PDZRN3: variants seen among roughly 807,000 people sequenced by gnomAD.
PDZRN3 encodes the protein E3 ubiquitin-protein ligase PDZRN3.
Under a neutral mutation model 85.7 loss-of-function variants are expected in PDZRN3, and 38 were observed. The ratio of observed to expected loss-of-function variants is 0.44; its 90% CI spans 0.34 to 0.58. The LOEUF is 0.58. Among genes scored for constraint, PDZRN3 ranks in the 20% least tolerant of loss-of-function variants. PDZRN3 has a pLI of 0.01. For synonymous variants in PDZRN3, 759 were observed against 638.0 expected (o/e 1.19, Z -2.86); for missense variants, 1,629 against 1,506.4 (o/e 1.08, Z -1.35).
intron 5 of PDZRN3, 41 bp downstream of exon 5, chr3:73,400,881 T>A: frequency 7.2e-7 from 1 of 1,380,484 alleles, no homozygotes; most frequent in South Asian, 1.2e-5. Context: ...TCTGTGTTCT[T>A]AATAATGACT....
intron 3 of PDZRN3, among the ~76,000 whole-genome samples, chr3:73,480,204 C>T (rs900787845): frequency 1.3e-5 from 2 of 152,198 alleles, no homozygotes; most frequent in African/African-American, 2.4e-5. Flanking sequence ...GGCATGAAGG[C>T]CAGCCTGGCT....
intron 3 of PDZRN3, among the ~76,000 whole-genome samples, chr3:73,427,437 C>A (rs549179919): frequency 1.3e-5 from 2 of 151,894 alleles, no homozygotes; most frequent in Non-Finnish European, 2.9e-5. Context: ...ATTACCCACC[C>A]CCCCACCACC....
chr3:73,585,035 G>A (rs1301850439), intron 3 of PDZRN3, among the ~76,000 whole-genome samples: 1 of 152,118 alleles, frequency 6.6e-6, no homozygotes, highest in Non-Finnish European at 1.5e-5. Context: ...CCTCCACTTT[G>A]AAGAGATAAC....
chr3:73,389,774 T>C, intron 7 of PDZRN3, 42 bp downstream of exon 7: 1 of 1,389,182 alleles, frequency 7.2e-7, no homozygotes, highest in Non-Finnish European at 1.0e-6. Context: ...TGTTCTTTAG[T>C]GATAGGCCCA....
intron 3 of PDZRN3, among the ~76,000 whole-genome samples, chr3:73,586,093 C>T (rs1702272447): frequency 6.6e-6 from 1 of 152,176 alleles, no homozygotes; most frequent in Admixed American, 6.5e-5. Context: ...AAAAATTAAA[C>T]TCCTAATTTT....
At chr3:73,473,678 G>A (rs902195027) in intron 3 of PDZRN3, among the ~76,000 whole-genome samples, 2 of 152,148 alleles carry the variant, frequency 1.3e-5, no homozygotes, top group Admixed American at 6.5e-5. Flanking sequence ...GATATATGAA[G>A]AAACAGAGGC....
At chr3:73,622,866 A>G (rs562077299) in intron 1 of PDZRN3, among the ~76,000 whole-genome samples, 2 of 152,272 alleles carry the variant, frequency 1.3e-5, no homozygotes, top group South Asian at 4.1e-4. Context: ...CACTCAATAA[A>G]TGGTCCTTGT....
chr3:73,513,053 T>C (rs1026574628), intron 3 of PDZRN3, among the ~76,000 whole-genome samples: 14 of 152,194 alleles, frequency 9.2e-5, no homozygotes, highest in African/African-American at 3.1e-4. Flanking sequence ...TCCCAGGTGC[T>C]GAGATAGGGT....
intron 3 of PDZRN3, among the ~76,000 whole-genome samples, chr3:73,496,111 G>A (rs1356115330): frequency 6.6e-6 from 1 of 151,690 alleles, no homozygotes; most frequent in East Asian, 1.9e-4. Flanking sequence ...GCTCCATATT[G>A]ATGGACTTCA....
intron 3 of PDZRN3, among the ~76,000 whole-genome samples, chr3:73,590,466 G>A (rs1218969973): frequency 6.6e-6 from 1 of 152,060 alleles, no homozygotes; most frequent in African/African-American, 2.4e-5. Context: ...CTCTCTACTG[G>A]TTCACATACC....
intron 3 of PDZRN3, among the ~76,000 whole-genome samples, chr3:73,423,182 T>C (rs571629786): frequency 1.4e-3 from 208 of 152,358 alleles, no homozygotes; most frequent in African/African-American, 4.8e-3. Context: ...TTATGAAGGA[T>C]AGTAATTTCT....
intron 1 of PDZRN3, among the ~76,000 whole-genome samples, chr3:73,614,250 G>A (rs1422025639): frequency 6.6e-6 from 1 of 152,210 alleles, no homozygotes; most frequent in Non-Finnish European, 1.5e-5. Context: ...GACATCTTAT[G>A]AGGCTGCATT....
chr3:73,443,904 T>A (rs556998249), intron 3 of PDZRN3, among the ~76,000 whole-genome samples: 1 of 152,152 alleles, frequency 6.6e-6, no homozygotes, highest in East Asian at 1.9e-4. Context: ...GTATTAAAAA[T>A]TACTATAAAA....
intron 1 of PDZRN3, chr3:73,623,501 A>C (rs1188163719): frequency 6.6e-6 from 1 of 152,374 alleles, no homozygotes; most frequent in Admixed American, 6.5e-5. Context: ...AGAGAGGTTA[A>C]GCAGCTTGCT....
intron 1 of PDZRN3, among the ~76,000 whole-genome samples, chr3:73,620,572 G>GTTT (rs1477092912): frequency 1.1e-5 from 1 of 88,462 alleles, no homozygotes; most frequent in East Asian, 4.2e-4. Context: ...GGCAGTCTGG[G>GTTT]TTTTTTTTGT....
chr3:73,476,449 T>C (rs1317011866), intron 3 of PDZRN3, among the ~76,000 whole-genome samples: 1 of 152,046 alleles, frequency 6.6e-6, no homozygotes, highest in Non-Finnish European at 1.5e-5. Flanking sequence ...GATCCAATCA[T>C]CTCCCACCTG....
intron 3 of PDZRN3, among the ~76,000 whole-genome samples, chr3:73,494,007 T>C (rs764070492): frequency 7.0e-4 from 106 of 152,358 alleles, no homozygotes; most frequent in Admixed American, 1.2e-3. Context: ...GATTTGAATA[T>C]TTGGCTCTAG....
intron 3 of PDZRN3, among the ~76,000 whole-genome samples, chr3:73,530,721 C>T (rs1424875704): frequency 6.6e-6 from 1 of 152,116 alleles, no homozygotes; most frequent in Non-Finnish European, 1.5e-5. Context: ...TCAGGAAAAT[C>T]TTTGGTTTCT....
rs1342718338 is a variant in PDZRN3, at chr3:73,389,044, T to TGGCTGAAG, written c.1416+764_1416+771dup. ...AAGCGATCCTGAGCAGCACAGGTTCTGGCTGAAGGCTAGAGAAACCCAGAG... is the reference window on the plus strand; with the variant it reads ...AAGCGATCCTGAGCAGCACAGGTTCTGGCTGAAGGGCTGAAGGCTAGAGAAACCCAGAG... On this transcript the variant is annotated intron_variant, in intron 7 of 9. Transcript: ENST00000263666. Among the ~76,000 whole-genome samples the TGGCTGAAG allele has an allele frequency of 4.0e-5, 6 of 151,624 alleles. No homozygotes were observed. The South Asian group carries it at 1.0e-3, about 27-fold the overall frequency.
Sources: allele counts gnomAD v4.1 joint callset (sites outside exome capture counted in the v4.1 genomes callset), GRCh38; gene constraint gnomAD v4.1.1; transcripts MANE v1.5; gene names NCBI Gene and HGNC (gene_info 2026-07-23, HGNC 2026-07-21).